The following GLUD1 variants were observed in gnomAD, a reference collection of about 807,000 sequenced individuals.
The protein encoded by GLUD1 is glutamate dehydrogenase 1.
Under a neutral mutation model 56.0 loss-of-function variants are expected in GLUD1, and 22 were observed. The observed-to-expected ratio is 0.39, with a 90% confidence interval of 0.28 to 0.56. The LOEUF (loss-of-function observed/expected upper bound fraction) is 0.56, where lower values mean the gene tolerates loss of function less well. Among genes scored for constraint, GLUD1 ranks in the 20% least tolerant of loss-of-function variants. GLUD1 has a pLI of 0.58. For synonymous variants in GLUD1, 223 were observed against 269.9 expected (o/e 0.83, Z 1.70); for missense variants, 451 against 732.0 (o/e 0.62, Z 4.43).
intron 12 of GLUD1, 100 bp downstream of exon 12, chr10:87,053,242 G>C: frequency 2.5e-6 from 2 of 805,012 alleles, no homozygotes; most frequent in South Asian, 2.8e-5. Context: ...TGAACAGATT[G>C]ATGTTTTCTA....
At chr10:87,061,698 C>T (rs1403810016) in intron 6 of GLUD1, among the ~76,000 whole-genome samples, 1 of 151,456 alleles carries the variant, frequency 6.6e-6, no homozygotes, top group Non-Finnish European at 1.5e-5. Flanking sequence ...CTCACTGCAG[C>T]CTCTGCCTCC....
chr10:87,082,039 G>A lies in GLUD1; in HGVS notation c.446-5383C>T, dbSNP rs59716189. 3.1e-3 allele frequency among the ~76,000 whole-genome samples: 466 copies of A among 150,896 alleles called. 3 individuals carry two copies. The highest frequency in any genetic ancestry group is 0.011 in the African/African-American group (447 of 41,118). On this transcript the variant is annotated intron_variant, in intron 1 of 12. Coordinates refer to ENST00000277865, the MANE Select transcript of GLUD1 (RefSeq NM_005271.5). ...CATTGCTCTTTTAGAGCCTGTGGAA[G>A]TCATCACCACATTATTTTTAATTTT...
At position 87,091,243 on chromosome 10, in the gene GLUD1, T is replaced by TG. The variant is rs11306284; in HGVS notation, c.445+3081dup. ...TTAATAGTTTTAATATCAAGACAACTGGGGGGGGGCAGACTGGAAGAGAAA... is the reference window on the plus strand; with the variant it reads ...TTAATAGTTTTAATATCAAGACAACTGGGGGGGGGGCAGACTGGAAGAGAAA... On this transcript the variant is annotated intron_variant, in intron 1 of 12. Coordinates refer to ENST00000277865, the MANE Select transcript of GLUD1 (RefSeq NM_005271.5). Among the ~76,000 whole-genome samples the TG allele has an allele frequency of 1.9e-3, 293 of 151,398 alleles. 1 individual carries two copies. Among genetic ancestry groups the TG allele is most frequent in the Admixed American group, 3.7e-3 (56 of 15,192 alleles).
intron 1 of GLUD1, among the ~76,000 whole-genome samples, chr10:87,092,216 A>G (rs188002282): frequency 2.0e-5 from 3 of 152,336 alleles, no homozygotes; most frequent in East Asian, 3.9e-4. Context: ...TGTTTAGTAT[A>G]CTGTTTATTA....
chr10:87,076,796 C>T, intron 1 of GLUD1, 140 bp from the exon 2 acceptor site: 2 of 702,242 alleles, frequency 2.8e-6, no homozygotes, highest in Non-Finnish European at 5.3e-6. Context: ...AAGCTATGTC[C>T]AAAAACACTT....
chr10:87,085,822 G>A (rs1291939449), intron 1 of GLUD1, among the ~76,000 whole-genome samples: 1 of 152,150 alleles, frequency 6.6e-6, no homozygotes, highest in African/African-American at 2.4e-5. Context: ...CAGCCTGACA[G>A]ATGGAAGATT....
rs1841438259 is a variant in GLUD1, at chr10:87,088,464, G to T, written c.445+5861C>A. Among the ~76,000 whole-genome samples, 7 of 152,046 alleles carry T rather than the reference G, an allele frequency of 4.6e-5. No individual in the cohort carries two copies. In the South Asian group the frequency reaches 1.4e-3, roughly 31 times the overall value. The stretch of plus-strand genomic sequence containing the variant: ...TAGACTATAGTTCATAATAAAAGCA[G>T]TCCTTATTTGGTAAACCTTCAATAC... On this transcript the variant is annotated intron_variant, in intron 1 of 12. Transcript: ENST00000277865.
intron 4 of GLUD1, 82 bp downstream of exon 4, chr10:87,074,467 AAC>A (rs1353821051): frequency 3.6e-5 from 29 of 794,678 alleles, no homozygotes; most frequent in Non-Finnish European, 6.6e-5. Context: ...TAGTCTGGGC[AAC>A]AGAGTGAGAC....
chr10:87,069,858 GACAACA>G (rs970476432), intron 4 of GLUD1, among the ~76,000 whole-genome samples: 1 of 21,624 alleles, frequency 4.6e-5, no homozygotes, highest in Non-Finnish European at 1.1e-4. Flanking sequence ...AGTCAATGAC[GACAACA>G]ACAACAACAA....
intron 1 of GLUD1, among the ~76,000 whole-genome samples, chr10:87,085,070 C>T (rs1452010238): frequency 1.3e-5 from 2 of 152,118 alleles, no homozygotes; most frequent in African/African-American, 4.8e-5. Flanking sequence ...TTAGGCTGGG[C>T]GTGGTGGCTC....
Position 87,061,178 on chromosome 10 carries a change from A to G in GLUD1, c.922-126T>C, listed in dbSNP as rs1259807783. On this transcript the variant is annotated intron_variant, in intron 6 of 12. Transcript: ENST00000277865. ...AGCAATTCTCAAAATTCTTTTGCCA[A>G]AAGAAACAATGTACTAACTGGTTTC... The G allele has an allele frequency of 3.2e-6, 3 of 950,926 alleles. No homozygotes were observed. In the South Asian group the frequency reaches 3.9e-5, roughly 12 times the overall value. 58.9% of individuals were successfully genotyped at this position (950,926 alleles called of 1,614,324 possible).
At chr10:87,058,540 C>T (rs1845846784) in intron 10 of GLUD1, among the ~76,000 whole-genome samples, 1 of 152,144 alleles carries the variant, frequency 6.6e-6, no homozygotes, top group Non-Finnish European at 1.5e-5. Flanking sequence ...TAGGCCTTTA[C>T]TAAGAGCAAC....
chr10:87,089,738 T>C, intron 1 of GLUD1: 1 of 979,666 alleles, frequency 1.0e-6, no homozygotes, highest in Non-Finnish European at 1.2e-6. Flanking sequence ...TTTCACATAT[T>C]AACAATTCCG....
chr10:87,059,564 C>T (rs1247355602), intron 9 of GLUD1, among the ~76,000 whole-genome samples: 2 of 152,174 alleles, frequency 1.3e-5, no homozygotes, highest in Non-Finnish European at 2.9e-5. Flanking sequence ...AGTTAGTTCT[C>T]AGACTAAATG....
chr10:87,080,749 C>T (rs1176633170), intron 1 of GLUD1, among the ~76,000 whole-genome samples: 1 of 151,646 alleles, frequency 6.6e-6, no homozygotes, highest in Non-Finnish European at 1.5e-5. Context: ...TGGCAGCCGC[C>T]CCGTCTGAGG....
intron 1 of GLUD1, among the ~76,000 whole-genome samples, chr10:87,083,118 G>A (rs1392415357): frequency 6.6e-6 from 1 of 151,524 alleles, no homozygotes. Context: ...GCACATTCCC[G>A]TAGTCCCATA....
chr10:87,056,087 G>C (rs998313630), intron 11 of GLUD1, among the ~76,000 whole-genome samples: 1 of 119,938 alleles, frequency 8.3e-6, no homozygotes, highest in Non-Finnish European at 1.6e-5. Context: ...CTGCACTCCA[G>C]CCTGGGTGAC....
chr10:87,073,435 C>T (rs997308925), intron 4 of GLUD1, among the ~76,000 whole-genome samples: 1 of 151,930 alleles, frequency 6.6e-6, no homozygotes, highest in African/African-American at 2.4e-5. Flanking sequence ...ATTACAAGCA[C>T]CAGCCACCAT....
chr10:87,093,103 A>G (rs1420123669), intron 1 of GLUD1, among the ~76,000 whole-genome samples: 2 of 152,224 alleles, frequency 1.3e-5, no homozygotes, highest in Non-Finnish European at 2.9e-5. Flanking sequence ...GTAAATCTTT[A>G]AAAACAACCT....
Sources: allele counts gnomAD v4.1 joint callset (sites outside exome capture counted in the v4.1 genomes callset), GRCh38; gene constraint gnomAD v4.1.1; transcripts MANE v1.5; gene names NCBI Gene and HGNC (gene_info 2026-07-23, HGNC 2026-07-21).